The following RALGAPA2 variants were observed in gnomAD, a reference collection of about 807,000 sequenced individuals.
The protein encoded by RALGAPA2 is Ral GTPase activating protein catalytic subunit alpha 2, also known as ral GTPase-activating protein subunit alpha-2.
A neutral mutation model predicts 230.4 loss-of-function variants in RALGAPA2; 139 were observed. That is an observed-to-expected ratio of 0.60 (90% CI 0.53 to 0.69). The LOEUF (loss-of-function observed/expected upper bound fraction) is 0.69, where lower values mean the gene tolerates loss of function less well. Ranked by LOEUF, RALGAPA2 falls within the 30% of genes least tolerant of loss-of-function variation. The pLI is 0.00. For missense variants in RALGAPA2, 2,163 were observed against 2,276.0 expected (o/e 0.95, Z 1.01); for synonymous variants, 847 against 837.8 (o/e 1.01, Z -0.19).
At chr20:20,571,731 T>G (rs988503497) in intron 22 of RALGAPA2, 117 bp downstream of exon 22, 23 of 1,462,224 alleles carry the variant, frequency 1.6e-5, no homozygotes, top group Non-Finnish European at 2.1e-5. Context: ...ATGCAGTTAC[T>G]TTAGTAAGAC....
In RALGAPA2 at chr20:20,596,559, A is replaced by G. The variant is rs182659948; in HGVS notation, c.2203+5123T>C. On this transcript the variant is annotated intron_variant, in intron 16 of 39. Coordinates refer to ENST00000202677, the MANE Select transcript of RALGAPA2 (RefSeq NM_020343.4). ...AATCTGCCCTTGGGTCAGTCTCTTG[A>G]TAGGACAGTCATAAAGGACAATGGC... Among the ~76,000 whole-genome samples, 5 of 152,318 alleles carry G rather than the reference A, an allele frequency of 3.3e-5. No individual in the cohort carries two copies. In the East Asian group the frequency reaches 9.6e-4, roughly 29 times the overall value.
At chr20:20,698,089 C>T (rs1460191343) in intron 1 of RALGAPA2, among the ~76,000 whole-genome samples, 2 of 151,720 alleles carry the variant, frequency 1.3e-5, no homozygotes, top group Non-Finnish European at 2.9e-5. Flanking sequence ...AAAAAAAAAG[C>T]CTAGTCTGGT....
intron 10 of RALGAPA2, 82 bp downstream of exon 10, chr20:20,629,281 A>G: frequency 8.3e-7 from 1 of 1,208,880 alleles, no homozygotes; most frequent in Non-Finnish European, 1.2e-6. Context: ...TACAAGTAAA[A>G]GAACATGAAA....
intron 23 of RALGAPA2, among the ~76,000 whole-genome samples, chr20:20,562,407 G>GT (rs1307962332): frequency 6.6e-6 from 1 of 152,096 alleles, no homozygotes; most frequent in African/African-American, 2.4e-5. Flanking sequence ...ATATCACACG[G>GT]TAACAGTTTA....
intron 1 of RALGAPA2, 136 bp from the exon 2 acceptor site, chr20:20,680,937 C>G (rs2068498010): frequency 3.6e-6 from 5 of 1,390,510 alleles, no homozygotes; most frequent in Middle Eastern, 2.0e-4. Context: ...AAACAGTATT[C>G]CTGTTTGTTT....
intron 36 of RALGAPA2, among the ~76,000 whole-genome samples, chr20:20,488,670 C>G (rs1220999399): frequency 6.6e-6 from 1 of 152,232 alleles, no homozygotes; most frequent in Non-Finnish European, 1.5e-5. Flanking sequence ...GACTGGAAAC[C>G]AGATGTCTCC....
Position 20,583,168 on chromosome 20 carries a change from C to T in RALGAPA2, c.2589G>A (p.Met863Ile), listed in dbSNP as rs2065037412. ...LGCTNEAELS[M>I]GPWQTCEEDP... ...CTTCCTCACAGGTCTGCCATGGGCC[C>T]ATGGACAGCTCTGCCTCATTGGTAC... Residue 863 changes from methionine (M) to isoleucine (I), a missense_variant, in exon 20 of 40, where the codon ATG becomes ATA. By Grantham distance (10) the Met-to-Ile change is conservative. Coordinates refer to ENST00000202677, the MANE Select transcript of RALGAPA2 (RefSeq NM_020343.4). 1 of 1,613,614 alleles carries T rather than the reference C, an allele frequency of 6.2e-7. No individual in the cohort carries two copies. Among genetic ancestry groups the T allele is most frequent in the Non-Finnish European group, 8.5e-7 (1 of 1,179,710 alleles).
rs559942575 is a variant in RALGAPA2, at chr20:20,565,964, G to A, written c.3156+5494C>T. Among the ~76,000 whole-genome samples, 6 of 152,290 alleles carry A rather than the reference G, an allele frequency of 3.9e-5. No individual in the cohort carries two copies. The South Asian group carries it at 1.2e-3, about 32-fold the overall frequency. ...TGTTAGATGGTCTGGAGAATGTCTA[G>A]AAGTGCCAGGGAACCAATCACAAAT... On this transcript the variant is annotated intron_variant, in intron 23 of 39. Coordinates refer to ENST00000202677, the MANE Select transcript of RALGAPA2 (RefSeq NM_020343.4).
At chr20:20,643,440 T>C in intron 5 of RALGAPA2, 66 bp downstream of exon 5, 2 of 1,386,236 alleles carry the variant, frequency 1.4e-6, no homozygotes, top group Non-Finnish European at 1.9e-6. Context: ...GCCCTAACAT[T>C]GTTACTTTGT....
In RALGAPA2 at chr20:20,636,786, G is replaced by GTCC. The variant is rs534121032; in HGVS notation, c.805+574_805+576dup. Among the ~76,000 whole-genome samples, 179 of 152,226 alleles carry GTCC rather than the reference G, an allele frequency of 1.2e-3. 2 individuals carry two copies. Among genetic ancestry groups the GTCC allele is most frequent in the African/African-American group, 4.2e-3 (176 of 41,526 alleles). ...TCTAAGGGATGCTTCTGTCCTGTGAGTCCTCATTGCTTACAGAAGAAAAAA... is the reference window on the plus strand; with the variant it reads ...TCTAAGGGATGCTTCTGTCCTGTGAGTCCTCCTCATTGCTTACAGAAGAAAAAA... On this transcript the variant is annotated intron_variant, in intron 8 of 39. Coordinates refer to ENST00000202677, the MANE Select transcript of RALGAPA2 (RefSeq NM_020343.4).
rs1330724143 is a variant in RALGAPA2, at chr20:20,462,344, C to A, written c.5495+10485G>T. ...ACTTCTCAAGTTGAATGTGTTAAAGCCATGTGCAAAACACAATGTAAACAT... is the reference window on the plus strand; with the variant it reads ...ACTTCTCAAGTTGAATGTGTTAAAGACATGTGCAAAACACAATGTAAACAT... On this transcript the variant is annotated intron_variant, in intron 37 of 39. Transcript: ENST00000202677. 3.3e-5 allele frequency among the ~76,000 whole-genome samples: 5 copies of A among 152,276 alleles called. No individual in the cohort carries two copies. The South Asian group carries it at 1.0e-3, about 32-fold the overall frequency.
intron 23 of RALGAPA2, among the ~76,000 whole-genome samples, chr20:20,550,221 G>A (rs1415073901): frequency 1.3e-5 from 2 of 152,098 alleles, no homozygotes; most frequent in Non-Finnish European, 2.9e-5. Context: ...TCCCACTTAT[G>A]AGTGAGAACA....
At chr20:20,625,698 T>A (rs1421816632) in intron 10 of RALGAPA2, among the ~76,000 whole-genome samples, 1 of 152,194 alleles carries the variant, frequency 6.6e-6, no homozygotes, top group Non-Finnish European at 1.5e-5. Context: ...TTAAAAAAAA[T>A]ACTAGTTTTG....
chr20:20,680,190 T>C (rs989983884), intron 2 of RALGAPA2, among the ~76,000 whole-genome samples: 1 of 152,270 alleles, frequency 6.6e-6, no homozygotes, highest in Non-Finnish European at 1.5e-5. Context: ...TGACAGGATG[T>C]ATAATGTATA....
Position 20,573,052 on chromosome 20 carries a change from GAGGCACTCGCTGCT to G in RALGAPA2, c.2710_2723del (p.Ser904HisfsTer3), listed in dbSNP as rs2064701072. On this transcript the variant is annotated frameshift_variant and splice_region_variant, in exon 21 of 40. Coordinates refer to ENST00000202677, the MANE Select transcript of RALGAPA2 (RefSeq NM_020343.4). LOFTEE classifies it high-confidence loss of function. ...CGGCGATTATACTACAGTCATCTGT[GAGGCACTCGCTGCT>G]ATCTATGCAGAAAAACATGTCTGTT... 6.2e-7 allele frequency: 1 copy of G among 1,606,456 alleles called. No individual in the cohort carries two copies. The highest frequency in any genetic ancestry group is 1.3e-5 in the African/African-American group (1 of 74,776).
rs16982059 is a variant in RALGAPA2, at chr20:20,635,408, G to A, written c.1005+10C>T. 3,227 of 1,577,634 alleles carry A rather than the reference G, an allele frequency of 2.0e-3. 53 individuals are homozygous for A. In the African/African-American group the frequency reaches 0.038, roughly 19 times the overall value. ...AGCATTAACAGATAAAAAGATGATG[G>A]ATGGCATACCTGGATGATTTTAGGC... On this transcript the variant is annotated intron_variant, in intron 9 of 39. Coordinates refer to ENST00000202677, the MANE Select transcript of RALGAPA2 (RefSeq NM_020343.4).
At chr20:20,522,482 G>T (rs2063073992) in intron 30 of RALGAPA2, among the ~76,000 whole-genome samples, 1 of 152,188 alleles carries the variant, frequency 6.6e-6, no homozygotes, top group Admixed American at 6.5e-5. Context: ...TATGACTCTT[G>T]TATAGAGTTC....
intron 37 of RALGAPA2, chr20:20,472,132 T>C (rs553157630): frequency 6.6e-6 from 1 of 152,354 alleles, no homozygotes; most frequent in South Asian, 2.1e-4. Flanking sequence ...CATGCTTGAA[T>C]TTAAGGACTA....
chr20:20,591,750 C>T (rs1054817606), intron 16 of RALGAPA2, among the ~76,000 whole-genome samples: 3 of 152,062 alleles, frequency 2.0e-5, no homozygotes, highest in East Asian at 1.9e-4. Context: ...GGAATTTCTA[C>T]TGCATTATGC....
Sources: allele counts gnomAD v4.1 joint callset (sites outside exome capture counted in the v4.1 genomes callset), GRCh38; gene constraint gnomAD v4.1.1; transcripts MANE v1.5; gene names NCBI Gene and HGNC (gene_info 2026-07-23, HGNC 2026-07-21).